The following FAM193A variants were observed in gnomAD, a reference collection of about 807,000 sequenced individuals.
FAM193A encodes family with sequence similarity 193 member A.
FAM193A carries 22 observed loss-of-function variants against 126.5 expected under a neutral mutation model. That is an observed-to-expected ratio of 0.17 (90% CI 0.12 to 0.25). The LOEUF is 0.25. Ranked by LOEUF, FAM193A falls within the 10% of genes least tolerant of loss-of-function variation. FAM193A has a pLI of 1.00. For missense variants in FAM193A, 1,675 were observed against 1,672.8 expected, an observed-to-expected ratio of 1.00 and a Z score of -0.02; for synonymous variants, 761 against 646.8, an observed-to-expected ratio of 1.18 and a Z score of -2.68.
At chr4:2,658,571 G>A (rs1465512701) in intron 8 of FAM193A, among the ~76,000 whole-genome samples, 3 of 151,974 alleles carry the variant, frequency 2.0e-5, no homozygotes, top group Non-Finnish European at 2.9e-5. Context: ...TCTCCTTTAC[G>A]AACTCCAACT....
At chr4:2,547,216 C>T (rs1026411570) in intron 1 of FAM193A, among the ~76,000 whole-genome samples, 5 of 151,984 alleles carry the variant, frequency 3.3e-5, no homozygotes, top group African/African-American at 9.7e-5. Flanking sequence ...GGTGAAACCC[C>T]GTCTCTACTA....
intron 19 of FAM193A, among the ~76,000 whole-genome samples, chr4:2,709,656 C>G (rs1049767958): frequency 2.0e-5 from 3 of 151,882 alleles, no homozygotes; most frequent in African/African-American, 7.3e-5. Context: ...TTGCAGTGAG[C>G]CGAGAACACG....
intron 1 of FAM193A, among the ~76,000 whole-genome samples, chr4:2,551,031 A>G (rs1203948662): frequency 6.6e-6 from 1 of 151,778 alleles, no homozygotes; most frequent in East Asian, 1.9e-4. Flanking sequence ...TGATCTCTTG[A>G]CCTCGTGATC....
chr4:2,635,339 G>A (rs767979972), intron 5 of FAM193A, among the ~76,000 whole-genome samples: 7 of 152,054 alleles, frequency 4.6e-5, no homozygotes, highest in Middle Eastern at 3.2e-3. Flanking sequence ...TTAGGACCCC[G>A]AAGTGTGCTT....
intron 17 of FAM193A, among the ~76,000 whole-genome samples, chr4:2,695,529 A>G (rs1716936904): frequency 6.6e-6 from 1 of 152,198 alleles, no homozygotes; most frequent in South Asian, 2.1e-4. Context: ...CTGTGATTTA[A>G]TTTATACAAC....
intron 20 of FAM193A, among the ~76,000 whole-genome samples, chr4:2,727,622 T>C (rs1720900686): frequency 6.6e-6 from 1 of 152,260 alleles, no homozygotes; most frequent in Non-Finnish European, 1.5e-5. Context: ...CCATTTGTCA[T>C]CTTTTCTACT....
At chr4:2,623,482 T>TCTTA (rs1468804725) in intron 2 of FAM193A, among the ~76,000 whole-genome samples, 3 of 152,226 alleles carry the variant, frequency 2.0e-5, no homozygotes, top group Non-Finnish European at 4.4e-5. Context: ...TCCCCTGCTG[T>TCTTA]CTTAATCCTC....
At chr4:2,663,969 AAAT>A (rs907384545) in intron 12 of FAM193A, among the ~76,000 whole-genome samples, 2 of 152,224 alleles carry the variant, frequency 1.3e-5, no homozygotes, top group South Asian at 2.1e-4. Context: ...TCTGTTTAAA[AAAT>A]AATAATAACA....
chr4:2,603,649 CG>C, intron 2 of FAM193A, among the ~76,000 whole-genome samples: 1 of 151,376 alleles, frequency 6.6e-6, no homozygotes, highest in South Asian at 2.1e-4. Context: ...TTAGTAGAGA[CG>C]GGGTTTCACC....
chr4:2,604,524 A>G (rs1481722504), intron 2 of FAM193A, among the ~76,000 whole-genome samples: 1 of 152,124 alleles, frequency 6.6e-6, no homozygotes, highest in Non-Finnish European at 1.5e-5. Context: ...ATACAGGTTG[A>G]AATTATTATT....
intron 1 of FAM193A, among the ~76,000 whole-genome samples, chr4:2,582,652 A>G (rs1740017272): frequency 6.6e-6 from 1 of 152,036 alleles, no homozygotes. Flanking sequence ...GTTTGTCATT[A>G]ATTTTGGAAA....
chr4:2,640,531 C>T (rs762637026), intron 6 of FAM193A, among the ~76,000 whole-genome samples: 1 of 152,176 alleles, frequency 6.6e-6, no homozygotes, highest in Non-Finnish European at 1.5e-5. Context: ...ACGCTGTTCC[C>T]TGCACTGAGT....
intron 17 of FAM193A, 52 bp from the exon 18 acceptor site, chr4:2,696,311 T>A: frequency 8.0e-7 from 1 of 1,251,102 alleles, no homozygotes; most frequent in East Asian, 2.3e-5. Context: ...GTCTGAAATT[T>A]ATTATATTCA....
rs757321436 is a variant in FAM193A at position 2,693,753 on chromosome 4, C to A, written c.2971C>A (p.Pro991Thr). ...STPHLANLAA[P>T]SFPKTATTTP... ...ACCTCACCTTGCAAATCTTGCAGCCCCATCATTCCCCAAAACAGCAACCAC... is the reference window on the plus strand; with the variant it reads ...ACCTCACCTTGCAAATCTTGCAGCCACATCATTCCCCAAAACAGCAACCAC... Residue 991 changes from proline (P) to threonine (T), a missense_variant, in exon 16 of 21, where the codon CCA becomes ACA. By Grantham distance (38) the Pro-to-Thr change is conservative. Coordinates refer to ENST00000637812, the MANE Select transcript of FAM193A (RefSeq NM_001366318.2). 3 of 1,614,212 alleles carry A rather than the reference C, an allele frequency of 1.9e-6. No individual in the cohort carries two copies. In the South Asian group the frequency reaches 3.3e-5, roughly 18 times the overall value.
intron 12 of FAM193A, among the ~76,000 whole-genome samples, chr4:2,669,522 T>C (rs1713545311): frequency 6.6e-6 from 1 of 152,176 alleles, no homozygotes; most frequent in South Asian, 2.1e-4. Flanking sequence ...GGCATGAGAA[T>C]TGCTTGAACC....
intron 19 of FAM193A, 63 bp from the exon 20 acceptor site, chr4:2,715,960 T>G (rs1169807381): frequency 1.1e-6 from 1 of 938,566 alleles, no homozygotes; most frequent in East Asian, 2.4e-5. Context: ...AAATGATTTC[T>G]TCCGTTCTGA....
chr4:2,681,233 T>C (rs1387566460), intron 13 of FAM193A, among the ~76,000 whole-genome samples: 1 of 152,114 alleles, frequency 6.6e-6, no homozygotes, highest in Non-Finnish European at 1.5e-5. Context: ...TTTTTTTTCT[T>C]ACTCCATCTC....
intron 1 of FAM193A, among the ~76,000 whole-genome samples, chr4:2,567,142 G>A (rs1280594128): frequency 6.6e-6 from 1 of 150,464 alleles, no homozygotes; most frequent in Non-Finnish European, 1.5e-5. Flanking sequence ...TAGAGACGGA[G>A]TTGCACCTTG....
rs185942747 is a variant in FAM193A at position 2,639,329 on chromosome 4, T to C, written c.1039-406T>C. Among the ~76,000 whole-genome samples the C allele has an allele frequency of 2.1e-3, 324 of 152,284 alleles. 2 individuals are homozygous for C. Among genetic ancestry groups the C allele is most frequent in the African/African-American group, 7.4e-3 (309 of 41,576 alleles). ...GGTTTCTCCAAATAGGTAAGAAAAT[T>C]GTTATCCTTTAGCATCGAGGGACTT... On this transcript the variant is annotated intron_variant, in intron 5 of 20. Coordinates refer to ENST00000637812, the MANE Select transcript of FAM193A (RefSeq NM_001366318.2).
Sources: gnomAD v4.1 joint callset for allele counts (sites outside exome capture counted in the v4.1 genomes callset) on GRCh38, gnomAD v4.1.1 for gene constraint, MANE v1.5 for transcripts, NCBI Gene and HGNC (gene_info 2026-07-23, HGNC 2026-07-21) for gene names.